Variants in NCKAP5 observed in about 807,000 individuals in gnomAD.
NCKAP5 encodes nck-associated protein 5.
In NCKAP5, 92 loss-of-function variants were observed where a neutral mutation model predicts 167.0. The observed-to-expected ratio is 0.55, with a 90% CI of 0.47 to 0.66. The LOEUF is 0.66. NCKAP5 is among the 30% of genes least tolerant of loss of function. The probability of loss-of-function intolerance (pLI) is 0.00; values close to 1 mark genes in which losing one functional copy is unlikely to be tolerated. For synonymous variants in NCKAP5, 891 were observed against 877.4 expected, an observed-to-expected ratio of 1.02 and a Z score of -0.27; for missense variants, 2,378 against 2,315.0, an observed-to-expected ratio of 1.03 and a Z score of -0.56.
At chr2:133,555,051 A>G (rs1298523793) in intron 2 of NCKAP5, among the ~76,000 whole-genome samples, 1 of 152,196 alleles carries the variant, frequency 6.6e-6, no homozygotes, top group African/African-American at 2.4e-5. Context: ...TCTTAAGGGC[A>G]TCACTTGATC....
chr2:133,378,548 G>A (rs1686309380), intron 3 of NCKAP5, among the ~76,000 whole-genome samples: 1 of 152,148 alleles, frequency 6.6e-6, no homozygotes, highest in Admixed American at 6.5e-5. Flanking sequence ...TGGGAGTGAA[G>A]AGTAACAGGT....
intron 11 of NCKAP5, among the ~76,000 whole-genome samples, chr2:132,802,715 A>C (rs1255029985): frequency 6.6e-6 from 1 of 152,242 alleles, no homozygotes; most frequent in Non-Finnish European, 1.5e-5. Flanking sequence ...ACAGGTACGC[A>C]TAAGGATCTC....
At chr2:133,337,898 C>T (rs2150752227) in intron 3 of NCKAP5, among the ~76,000 whole-genome samples, 1 of 152,276 alleles carries the variant, frequency 6.6e-6, no homozygotes, top group South Asian at 2.1e-4. Context: ...GAATTTCATG[C>T]TGTAGCACGG....
At chr2:133,332,696 C>A (rs753435642) in intron 3 of NCKAP5, among the ~76,000 whole-genome samples, 1 of 152,174 alleles carries the variant, frequency 6.6e-6, no homozygotes, top group African/African-American at 2.4e-5. Flanking sequence ...CACCCTTACA[C>A]CTTGGGCTTC....
At chr2:133,228,731 T>C (rs985620495) in intron 4 of NCKAP5, among the ~76,000 whole-genome samples, 2 of 152,158 alleles carry the variant, frequency 1.3e-5, no homozygotes, top group Non-Finnish European at 2.9e-5. Flanking sequence ...TTCCTATCCT[T>C]CACACCATTA....
intron 11 of NCKAP5, among the ~76,000 whole-genome samples, chr2:132,827,391 C>A (rs1687205315): frequency 1.3e-5 from 2 of 152,038 alleles, no homozygotes. Context: ...TCTTTGCCCA[C>A]TTTTAATTGT....
chr2:132,777,686 C>T (rs937299405), intron 15 of NCKAP5, among the ~76,000 whole-genome samples: 1 of 152,094 alleles, frequency 6.6e-6, no homozygotes, highest in African/African-American at 2.4e-5. Flanking sequence ...ACCAAAATAC[C>T]ATTTAGAATA....
chr2:133,647,028 T>C, the NCKAP5 span, among the ~76,000 whole-genome samples: 2 of 151,572 alleles, frequency 1.3e-5, 1 homozygote, highest in South Asian at 4.2e-4. Context: ...CAAAAAAAAT[T>C]GTAACAAAAC....
intron 5 of NCKAP5, among the ~76,000 whole-genome samples, chr2:133,199,907 A>G (rs1315432287): frequency 6.6e-6 from 1 of 151,968 alleles, no homozygotes; most frequent in African/African-American, 2.4e-5. Context: ...GACATGAATG[A>G]ATTTCAACAA....
intron 6 of NCKAP5, among the ~76,000 whole-genome samples, chr2:133,036,751 T>C (rs1439941691): frequency 6.6e-6 from 1 of 151,942 alleles, no homozygotes; most frequent in African/African-American, 2.4e-5. Flanking sequence ...TCCTTTAATA[T>C]CTGAAACATG....
chr2:133,589,344 A>C, the NCKAP5 span, among the ~76,000 whole-genome samples: 1 of 152,198 alleles, frequency 6.6e-6, no homozygotes, highest in East Asian at 1.9e-4. Flanking sequence ...TTTACCTGAG[A>C]AATTGGAAAG....
chr2:133,611,770 C>T, the NCKAP5 span, among the ~76,000 whole-genome samples: 2 of 152,254 alleles, frequency 1.3e-5, no homozygotes, highest in African/African-American at 4.8e-5. Context: ...ACATTCTCTC[C>T]CCTATTAAAC....
intron 16 of NCKAP5, among the ~76,000 whole-genome samples, chr2:132,734,749 C>T (rs1691345945): frequency 1.3e-5 from 2 of 148,400 alleles, no homozygotes; most frequent in Admixed American, 1.4e-4. Flanking sequence ...AGCAACTTGT[C>T]CAAGGTCATA....
At position 132,705,672 on chromosome 2, in the gene NCKAP5, G is replaced by GA. The variant is rs112430751; in HGVS notation, c.5713+19954dup. Among the ~76,000 whole-genome samples the GA allele has an allele frequency of 5.1e-3, 765 of 149,842 alleles. 6 individuals are homozygous for GA. Among genetic ancestry groups the GA allele is most frequent in the African/African-American group, 0.016 (667 of 40,844 alleles). On this transcript the variant is annotated intron_variant, in intron 19 of 19. Coordinates refer to ENST00000409261, the MANE Select transcript of NCKAP5 (RefSeq NM_207363.3). ...CATGTGGGAAATATTGGGAGAAAATGAAAAAAAAATAATGAAAAACAAAAA... is the reference window on the plus strand; with the variant it reads ...CATGTGGGAAATATTGGGAGAAAATGAAAAAAAAAATAATGAAAAACAAAAA...
the NCKAP5 span, among the ~76,000 whole-genome samples, chr2:133,626,327 T>A: frequency 1.3e-5 from 2 of 152,164 alleles, no homozygotes; most frequent in African/African-American, 4.8e-5. Context: ...CTTCTACATC[T>A]AAATACCAAG....
chr2:132,890,713 A>G (rs923425319), intron 8 of NCKAP5, among the ~76,000 whole-genome samples: 1 of 152,008 alleles, frequency 6.6e-6, no homozygotes, highest in Non-Finnish European at 1.5e-5. Context: ...TTTCTGAATC[A>G]CTCATCTTAT....
At chr2:133,462,476 G>C (rs1165140360) in intron 3 of NCKAP5, among the ~76,000 whole-genome samples, 1 of 152,106 alleles carries the variant, frequency 6.6e-6, no homozygotes, top group East Asian at 1.9e-4. Flanking sequence ...CAGCATTTTA[G>C]TTTTCTTATT....
the NCKAP5 span, among the ~76,000 whole-genome samples, chr2:133,639,673 C>T: frequency 2.0e-5 from 3 of 152,060 alleles, no homozygotes; most frequent in Non-Finnish European, 2.9e-5. Context: ...TGATGAAACC[C>T]TTTTGTAGGA....
At position 133,030,164 on chromosome 2, in the gene NCKAP5, T is replaced by C. The variant is rs543691091; in HGVS notation, c.342-35925A>G. On this transcript the variant is annotated intron_variant, in intron 6 of 19. Coordinates refer to ENST00000409261, the MANE Select transcript of NCKAP5 (RefSeq NM_207363.3). The stretch of plus-strand genomic sequence containing the variant: ...GGAAGAAAATAAGAAGTTTAATCAC[T>C]GAGAAATTTCCCATCAAATCACAGA... 2.7e-4 allele frequency among the ~76,000 whole-genome samples: 41 copies of C among 152,320 alleles called. No individual in the cohort carries two copies. The South Asian group carries it at 8.3e-3, about 31-fold the overall frequency.
Sources: gnomAD v4.1 joint callset for allele counts (sites outside exome capture counted in the v4.1 genomes callset) on GRCh38, gnomAD v4.1.1 for gene constraint, MANE v1.5 for transcripts, NCBI Gene and HGNC (gene_info 2026-07-23, HGNC 2026-07-21) for gene names.